RIN2: variants seen among roughly 807,000 people sequenced by gnomAD.
RIN2 encodes the protein Ras and Rab interactor 2.
RIN2 carries 36 observed loss-of-function variants against 78.0 expected under a neutral mutation model. That is an observed-to-expected ratio of 0.46 (90% CI 0.35 to 0.61). The LOEUF (loss-of-function observed/expected upper bound fraction) is 0.61, where lower values mean the gene tolerates loss of function less well. RIN2 is among the 20% of genes least tolerant of loss of function. The probability of loss-of-function intolerance (pLI) is 0.00; values close to 1 mark genes in which losing one functional copy is unlikely to be tolerated. For missense variants in RIN2, 1,087 were observed against 1,159.7 expected, an observed-to-expected ratio of 0.94 and a Z score of 0.91; for synonymous variants, 466 against 466.8, an observed-to-expected ratio of 1.00 and a Z score of 0.02.
At chr20:19,821,875 G>A (rs2035937850) in intron 2 of RIN2, among the ~76,000 whole-genome samples, 3 of 152,148 alleles carry the variant, frequency 2.0e-5, no homozygotes, top group Admixed American at 2.0e-4. Context: ...TCACATGTCT[G>A]TTATCTCACA....
chr20:19,854,152 C>G (rs1174180015), intron 2 of RIN2, among the ~76,000 whole-genome samples: 1 of 152,170 alleles, frequency 6.6e-6, no homozygotes, highest in Admixed American at 6.5e-5. Flanking sequence ...TTCCCCATTT[C>G]TTGTTTTTGT....
intron 1 of RIN2, among the ~76,000 whole-genome samples, chr20:19,776,951 T>G (rs8124128): frequency 0.011 from 1,650 of 152,266 alleles, 32 homozygotes; most frequent in African/African-American, 0.038. Flanking sequence ...CTCCTTGGGC[T>G]CTAACTCAGG....
At chr20:19,846,278 G>T (rs898727200) in intron 2 of RIN2, among the ~76,000 whole-genome samples, 1 of 152,200 alleles carries the variant, frequency 6.6e-6, no homozygotes, top group African/African-American at 2.4e-5. Context: ...GTCAATGGTA[G>T]CTTGATGGGG....
At chr20:19,837,169 A>ACACACAC (rs1491093860) in intron 2 of RIN2, among the ~76,000 whole-genome samples, 307 of 140,202 alleles carry the variant, frequency 2.2e-3, no homozygotes, top group African/African-American at 5.1e-3. Context: ...CGCCCCCCCC[A>ACACACAC]ACACACACAC....
At chr20:19,798,435 A>G (rs1474609548) in intron 1 of RIN2, among the ~76,000 whole-genome samples, 1 of 151,962 alleles carries the variant, frequency 6.6e-6, no homozygotes, top group East Asian at 1.9e-4. Flanking sequence ...ATGGAGGGAA[A>G]GTCAGAGTCC....
At chr20:19,915,593 G>A (rs1037596980) in intron 3 of RIN2, among the ~76,000 whole-genome samples, 6 of 152,206 alleles carry the variant, frequency 3.9e-5, no homozygotes, top group East Asian at 1.9e-4. Context: ...GCAGATGTCC[G>A]CATCAGAGCG....
Position 20,000,301 on chromosome 20 carries a change from T to TG in RIN2, c.2365-312_2365-311insG, listed in dbSNP as rs1568731881. 4.0e-5 allele frequency among the ~76,000 whole-genome samples: 6 copies of TG among 151,234 alleles called. No individual in the cohort carries two copies. In the East Asian group the frequency reaches 1.2e-3, roughly 29 times the overall value. ...TTTCAAGCTGGGAATAAACCCAGCA[T>TG]TGGATGTGGTTCACACTCTTAAGCA... On this transcript the variant is annotated intron_variant, in intron 12 of 12. Coordinates refer to ENST00000255006, the MANE Select transcript of RIN2 (RefSeq NM_018993.4).
Position 19,918,133 on chromosome 20 carries a change from C to T in RIN2, c.58-16966C>T, listed in dbSNP as rs555183118. 2.6e-5 allele frequency among the ~76,000 whole-genome samples: 4 copies of T among 152,246 alleles called. No homozygotes were observed. The East Asian group carries it at 7.7e-4, about 29-fold the overall frequency. On this transcript the variant is annotated intron_variant, in intron 3 of 12. Transcript: ENST00000255006. ...TGTGACTGTGACACCCACGCCAGTG[C>T]ATTCCGGAAAGGCAAAGTGGGACAG...
intron 11 of RIN2, among the ~76,000 whole-genome samples, chr20:19,994,520 C>G (rs1297504197): frequency 6.6e-6 from 1 of 152,222 alleles, no homozygotes; most frequent in African/African-American, 2.4e-5. Flanking sequence ...ATTGCATCCA[C>G]ATGTTTCAAA....
intron 2 of RIN2, among the ~76,000 whole-genome samples, chr20:19,888,814 T>G (rs950554178): frequency 6.6e-6 from 1 of 152,308 alleles, no homozygotes; most frequent in South Asian, 2.1e-4. Context: ...TAGAACTGAA[T>G]GTTGAAGGCT....
intron 2 of RIN2, among the ~76,000 whole-genome samples, chr20:19,852,994 A>T (rs1356965409): frequency 6.6e-6 from 1 of 150,442 alleles, no homozygotes; most frequent in African/African-American, 2.4e-5. Context: ...TTAACTCGTC[A>T]TTTACATTAG....
chr20:19,975,919 T>A lies in RIN2; in HGVS notation c.1762+132T>A. The A allele has an allele frequency of 1.1e-6, 1 of 889,484 alleles. No homozygotes were observed. The highest frequency in any genetic ancestry group is 1.8e-6 in the Non-Finnish European group (1 of 561,186). The allele number at this position is 889,484 out of a possible 1,614,324, so 55.1% of individuals were successfully genotyped here. A position where few individuals can be genotyped will look rare whatever the true frequency, so the allele number is the denominator to read the frequency against. ...ACCCAGCTCCACCTTCTCTCCCGGT[T>A]TGAATGGAAAAATCAGTTTCTCAAA... On this transcript the variant is annotated intron_variant, in intron 9 of 12. Transcript: ENST00000255006. This position sits in a 1 kb window ranked among gnomAD's most constrained non-coding sequence, Gnocchi z 4.9.
chr20:19,954,125 A>G (rs966341694), intron 4 of RIN2, among the ~76,000 whole-genome samples: 1 of 152,208 alleles, frequency 6.6e-6, no homozygotes, highest in African/African-American at 2.4e-5. Flanking sequence ...GAGTCTGCAC[A>G]CCCAAAAATG....
At chr20:19,791,993 C>A (rs1012219630) in intron 1 of RIN2, among the ~76,000 whole-genome samples, 2 of 152,192 alleles carry the variant, frequency 1.3e-5, no homozygotes, top group African/African-American at 4.8e-5. Context: ...CCTCCCCCAT[C>A]CAGCTTTTTC....
At chr20:19,782,300 C>T (rs1233044281) in intron 1 of RIN2, among the ~76,000 whole-genome samples, 1 of 152,188 alleles carries the variant, frequency 6.6e-6, no homozygotes, top group African/African-American at 2.4e-5. Flanking sequence ...CGTGGTGGCT[C>T]ACGCCTGTAA....
intron 3 of RIN2, among the ~76,000 whole-genome samples, chr20:19,890,081 C>CAAAA (rs1302018371): frequency 4.0e-5 from 6 of 151,096 alleles, no homozygotes; most frequent in Non-Finnish European, 8.8e-5. Flanking sequence ...AACAAACAAA[C>CAAAA]AAAAAACAGC....
intron 9 of RIN2, among the ~76,000 whole-genome samples, chr20:19,978,984 G>T (rs2042367552): frequency 6.6e-6 from 1 of 152,192 alleles, no homozygotes; most frequent in African/African-American, 2.4e-5. Context: ...TTCAACACAC[G>T]TTCCTCACTG....
intron 4 of RIN2, among the ~76,000 whole-genome samples, chr20:19,944,383 T>C (rs2041001034): frequency 6.6e-6 from 1 of 152,184 alleles, no homozygotes; most frequent in East Asian, 1.9e-4. Flanking sequence ...ATTTGAGGTG[T>C]ATATTTGTGT....
chr20:19,989,663 T>G (rs558752597), intron 9 of RIN2, among the ~76,000 whole-genome samples: 1 of 152,354 alleles, frequency 6.6e-6, no homozygotes, highest in South Asian at 2.1e-4. Flanking sequence ...GTTAATTGGA[T>G]GACCAGTTGA....
Sources: gnomAD v4.1 joint callset for allele counts (sites outside exome capture counted in the v4.1 genomes callset) on GRCh38, gnomAD v4.1.1 for gene constraint, Gnocchi (gnomAD v3.1) non-coding constraint, MANE v1.5 for transcripts, NCBI Gene and HGNC (gene_info 2026-07-23, HGNC 2026-07-21) for gene names.